Variants in KCNAB1 observed in about 807,000 individuals in gnomAD.
KCNAB1 encodes the protein potassium voltage-gated channel subfamily A regulatory beta subunit 1.
KCNAB1 carries 35 observed loss-of-function variants against 64.6 expected under a neutral mutation model. The observed-to-expected ratio is 0.54, with a 90% CI of 0.41 to 0.72. KCNAB1 has a LOEUF of 0.72. Among genes scored for constraint, KCNAB1 ranks in the 30% least tolerant of loss-of-function variants. KCNAB1 has a pLI of 0.00. For synonymous variants in KCNAB1, 177 were observed against 183.8 expected, an observed-to-expected ratio of 0.96 and a Z score of 0.30; for missense variants, 401 against 512.9, an observed-to-expected ratio of 0.78 and a Z score of 2.11.
intron 1 of KCNAB1, among the ~76,000 whole-genome samples, chr3:156,316,211 A>G (rs909651996): frequency 2.0e-5 from 3 of 152,224 alleles, no homozygotes. Flanking sequence ...AAGCCAAGGC[A>G]CAGAGAAGCC....
chr3:156,234,583 G>A (rs998323417), intron 1 of KCNAB1, among the ~76,000 whole-genome samples: 3 of 152,096 alleles, frequency 2.0e-5, no homozygotes, highest in African/African-American at 4.8e-5. Flanking sequence ...TGGGTTGGGG[G>A]GGTGTCCTGA....
At chr3:156,414,266 GAGA>G (rs1714898328) in intron 1 of KCNAB1, among the ~76,000 whole-genome samples, 2 of 152,174 alleles carry the variant, frequency 1.3e-5, no homozygotes. Flanking sequence ...GAGAATGCCA[GAGA>G]AGGCTTTCCC....
Position 156,471,964 on chromosome 3 carries a change from G to A in KCNAB1, c.572-2770G>A, listed in dbSNP as rs1388396242. ...CAGAGAGGCTAAGGGATATCACAGG[G>A]TCATTCGGGACAGCCCAAATCAGTA... On this transcript the variant is annotated intron_variant, in intron 7 of 13. Coordinates refer to ENST00000490337, the MANE Select transcript of KCNAB1 (RefSeq NM_172160.3). 2.6e-5 allele frequency among the ~76,000 whole-genome samples: 4 copies of A among 152,116 alleles called. No individual in the cohort carries two copies. The East Asian group carries it at 7.7e-4, about 29-fold the overall frequency.
chr3:156,272,726 C>T (rs1480742540), intron 1 of KCNAB1, among the ~76,000 whole-genome samples: 1 of 152,012 alleles, frequency 6.6e-6, no homozygotes, highest in Non-Finnish European at 1.5e-5. Flanking sequence ...GGTACCTAAG[C>T]TGCAAGACAA....
chr3:156,516,207 C>T (rs1051387728), intron 10 of KCNAB1, 63 bp from the exon 11 acceptor site: 3 of 1,143,912 alleles, frequency 2.6e-6, no homozygotes. Context: ...CTACTGCCCC[C>T]ACCGCCACCC....
At chr3:156,429,384 G>A (rs1716054230) in intron 2 of KCNAB1, among the ~76,000 whole-genome samples, 1 of 152,170 alleles carries the variant, frequency 6.6e-6, no homozygotes. Context: ...CCCTGCTTAG[G>A]GCTGGCCTCA....
chr3:156,223,763 G>A (rs1353943310), intron 1 of KCNAB1, among the ~76,000 whole-genome samples: 2 of 152,052 alleles, frequency 1.3e-5, no homozygotes, highest in Non-Finnish European at 2.9e-5. Context: ...CTAGATACAG[G>A]GTGCTGATTG....
chr3:156,165,202 C>T lies in KCNAB1; in HGVS notation c.275+44316C>T, dbSNP rs1200167998. 5.2e-5 allele frequency among the ~76,000 whole-genome samples: 7 copies of T among 135,298 alleles called. No homozygotes were observed. In the South Asian group the frequency reaches 7.7e-4, roughly 15 times the overall value. 88.8% of individuals were successfully genotyped at this position (135,298 alleles called of 152,430 possible). A position where few individuals can be genotyped will look rare whatever the true frequency, so the allele number is the denominator to read the frequency against. On this transcript the variant is annotated intron_variant, in intron 1 of 13. Transcript: ENST00000490337. ...CTGAGGCAGGAGAATGGCGTGAACC[C>T]GGGAGGCGGAGCTTGCAGTGAGCCG...
intron 1 of KCNAB1, among the ~76,000 whole-genome samples, chr3:156,190,453 C>T (rs1335113545): frequency 6.6e-6 from 1 of 152,032 alleles, no homozygotes; most frequent in East Asian, 1.9e-4. Flanking sequence ...CAGTGTAGAC[C>T]ATTTCTAAAT....
At chr3:156,179,454 C>T (rs1279567499) in intron 1 of KCNAB1, among the ~76,000 whole-genome samples, 2 of 134,100 alleles carry the variant, frequency 1.5e-5, no homozygotes, top group Non-Finnish European at 3.2e-5. Flanking sequence ...CGTTCTTCCC[C>T]CGCGTTCTTC....
chr3:156,457,463 G>A lies in KCNAB1; in HGVS notation c.368G>A (p.Arg123Gln), dbSNP rs1559893941. 3.1e-6 allele frequency: 5 copies of A among 1,613,842 alleles called. No individual in the cohort carries two copies. The highest frequency in any genetic ancestry group is 3.4e-6 in the Non-Finnish European group (4 of 1,179,788). The part of the protein sequence containing the change: ...GGQISDEVAE[R>Q]LMTIAYESGV... The stretch of plus-strand genomic sequence containing the variant: ...TCTCTCCCCTTGCAGGTTGCTGAAC[G>A]GCTGATGACCATCGCCTATGAAAGT... Residue 123 changes from arginine to glutamine, a missense_variant, in exon 4 of 14, where the codon CGG becomes CAG. By Grantham distance (43) the Arg-to-Gln change is conservative. Coordinates refer to ENST00000490337, the MANE Select transcript of KCNAB1 (RefSeq NM_172160.3).
At chr3:156,122,287 T>G (rs1405262843) in intron 1 of KCNAB1, among the ~76,000 whole-genome samples, 1 of 152,238 alleles carries the variant, frequency 6.6e-6, no homozygotes, top group Admixed American at 6.5e-5. Context: ...AAAGCTATTA[T>G]TAAAGATCCT....
intron 1 of KCNAB1, among the ~76,000 whole-genome samples, chr3:156,250,197 A>G (rs571803684): frequency 1.3e-5 from 2 of 152,300 alleles, no homozygotes; most frequent in South Asian, 4.2e-4. Context: ...TGAGAAGGGA[A>G]GAGCAGAAGG....
intron 1 of KCNAB1, 43 bp downstream of exon 1, chr3:156,120,929 C>G: frequency 6.2e-7 from 1 of 1,601,308 alleles, no homozygotes; most frequent in Non-Finnish European, 8.5e-7. Flanking sequence ...AGACGCCGTT[C>G]GAAGGTGCTC....
chr3:156,533,073 C>T (rs1001008121), intron 13 of KCNAB1, among the ~76,000 whole-genome samples: 3 of 152,228 alleles, frequency 2.0e-5, no homozygotes, highest in Non-Finnish European at 4.4e-5. Flanking sequence ...CTGGAGATAA[C>T]ACAGGAAAGA....
chr3:156,227,302 C>T (rs1716242039), intron 1 of KCNAB1, among the ~76,000 whole-genome samples: 1 of 152,042 alleles, frequency 6.6e-6, no homozygotes, highest in South Asian at 2.1e-4. Flanking sequence ...AAGAATGAAA[C>T]TAATTTAAAA....
intron 1 of KCNAB1, among the ~76,000 whole-genome samples, chr3:156,379,923 C>T (rs1325484779): frequency 6.6e-6 from 1 of 152,116 alleles, no homozygotes. Flanking sequence ...TTTACTTCAC[C>T]ATGCGGTGGA....
intron 1 of KCNAB1, among the ~76,000 whole-genome samples, chr3:156,215,201 T>C (rs1188286983): frequency 6.6e-6 from 1 of 152,230 alleles, no homozygotes; most frequent in African/African-American, 2.4e-5. Context: ...GGAAGTTAGG[T>C]AACTTGCAGA....
chr3:156,426,679 C>T (rs533591054), intron 2 of KCNAB1, among the ~76,000 whole-genome samples: 1 of 152,212 alleles, frequency 6.6e-6, no homozygotes, highest in Non-Finnish European at 1.5e-5. Context: ...TTTTTACTGT[C>T]TGCATAGTTT....
Sources: allele counts gnomAD v4.1 joint callset (sites outside exome capture counted in the v4.1 genomes callset), GRCh38; gene constraint gnomAD v4.1.1; transcripts MANE v1.5; gene names NCBI Gene and HGNC (gene_info 2026-07-23, HGNC 2026-07-21).